SORCS3: variants seen among roughly 807,000 people sequenced by gnomAD.
The protein encoded by SORCS3 is VPS10 domain-containing receptor SorCS3.
A neutral mutation model predicts 146.3 loss-of-function variants in SORCS3; 57 were observed. That is an observed-to-expected ratio of 0.39 (90% CI 0.31 to 0.49). The LOEUF (loss-of-function observed/expected upper bound fraction) is 0.49, where lower values mean the gene tolerates loss of function less well. Among genes scored for constraint, SORCS3 ranks in the 20% least tolerant of loss-of-function variants. SORCS3 has a pLI of 0.92. For synonymous variants in SORCS3, 653 were observed against 618.5 expected (o/e 1.06, Z -0.83); for missense variants, 1,341 against 1,575.5 (o/e 0.85, Z 2.52).
At chr10:105,171,147 G>A (rs1404904957) in intron 13 of SORCS3, among the ~76,000 whole-genome samples, 3 of 152,152 alleles carry the variant, frequency 2.0e-5, no homozygotes, top group Admixed American at 6.6e-5. Flanking sequence ...GAAAATAAGA[G>A]TAATAATTGA....
intron 20 of SORCS3, among the ~76,000 whole-genome samples, chr10:105,223,750 A>G (rs1175612855): frequency 1.3e-5 from 2 of 152,220 alleles, no homozygotes; most frequent in Non-Finnish European, 2.9e-5. Context: ...CCACGTCTCA[A>G]AGAAAGGAAC....
chr10:105,174,048 T>C (rs2056380843), intron 13 of SORCS3, among the ~76,000 whole-genome samples: 1 of 152,234 alleles, frequency 6.6e-6, no homozygotes, highest in African/African-American at 2.4e-5. Flanking sequence ...CTCCTCACAC[T>C]AGAAAGTAAG....
At chr10:104,855,731 A>ATGTG (rs142974541) in intron 2 of SORCS3, among the ~76,000 whole-genome samples, 24,641 of 149,058 alleles carry the variant, frequency 0.17, 4,393 homozygotes, top group African/African-American at 0.45. Flanking sequence ...GTGTGTGTGT[A>ATGTG]TGTGTGTGTG....
At chr10:105,052,935 A>T (rs2055422965) in intron 5 of SORCS3, among the ~76,000 whole-genome samples, 1 of 152,110 alleles carries the variant, frequency 6.6e-6, no homozygotes, top group Non-Finnish European at 1.5e-5. Flanking sequence ...CTGGCTGCCA[A>T]AACAAAATAC....
intron 7 of SORCS3, among the ~76,000 whole-genome samples, chr10:105,112,248 T>TA (rs138749390): frequency 0.19 from 29,262 of 152,082 alleles, 3,032 homozygotes; most frequent in Admixed American, 0.24. Context: ...GTATTGCTTT[T>TA]AAAAAATTAT....
rs372360180 is a variant in SORCS3, at chr10:104,784,527, G to A, written c.628-58265G>A. Among the ~76,000 whole-genome samples, 13 of 152,248 alleles carry A rather than the reference G, an allele frequency of 8.5e-5. No individual in the cohort carries two copies. In the South Asian group the frequency reaches 1.0e-3, roughly 12 times the overall value. On this transcript the variant is annotated intron_variant, in intron 1 of 26. Transcript: ENST00000369701. ...TCTTTTGTGACCAGGAGTGTTTTCC[G>A]GACAATGCAGAAGGAGATGCACCCA...
At chr10:104,841,648 C>T (rs1056743837) in intron 1 of SORCS3, among the ~76,000 whole-genome samples, 2 of 151,936 alleles carry the variant, frequency 1.3e-5, no homozygotes, top group Non-Finnish European at 2.9e-5. Flanking sequence ...TAAAAATGTG[C>T]AATATAATGG....
intron 4 of SORCS3, among the ~76,000 whole-genome samples, chr10:104,988,781 A>G (rs1227160432): frequency 1.3e-5 from 2 of 152,196 alleles, no homozygotes; most frequent in African/African-American, 4.8e-5. Context: ...TCAATTTGCT[A>G]AAGAGAAGAC....
At chr10:105,166,393 T>C (rs2056313383) in intron 12 of SORCS3, among the ~76,000 whole-genome samples, 1 of 152,182 alleles carries the variant, frequency 6.6e-6, no homozygotes, top group African/African-American at 2.4e-5. Flanking sequence ...CCCTAGAAGA[T>C]CTACAGTCGA....
chr10:105,132,051 A>G (rs577164227), intron 7 of SORCS3, among the ~76,000 whole-genome samples: 148 of 152,268 alleles, frequency 9.7e-4, no homozygotes, highest in Admixed American at 9.7e-3. Context: ...CCCTCCACAT[A>G]GAGGTTTGGA....
chr10:105,049,573 A>C (rs1407003497), intron 5 of SORCS3, among the ~76,000 whole-genome samples: 4 of 152,094 alleles, frequency 2.6e-5, no homozygotes, highest in Non-Finnish European at 5.9e-5. Context: ...ATATTAGTTA[A>C]GGTTTAGTAT....
At chr10:105,244,483 A>C (rs2056854399) in intron 20 of SORCS3, among the ~76,000 whole-genome samples, 1 of 152,090 alleles carries the variant, frequency 6.6e-6, no homozygotes, top group Non-Finnish European at 1.5e-5. Context: ...GTGGGATTGG[A>C]GTATGCATGG....
At chr10:104,794,657 GAGAA>G (rs1387745797) in intron 1 of SORCS3, among the ~76,000 whole-genome samples, 1 of 113,580 alleles carries the variant, frequency 8.8e-6, no homozygotes, top group Admixed American at 9.0e-5. Flanking sequence ...GAGAGAGAGA[GAGAA>G]TATTATCCAG....
intron 4 of SORCS3, among the ~76,000 whole-genome samples, chr10:105,013,282 A>G (rs1223244536): frequency 6.6e-6 from 1 of 152,144 alleles, no homozygotes; most frequent in East Asian, 1.9e-4. Context: ...AACATATAAC[A>G]TATTATTTTT....
chr10:104,731,615 A>G (rs949704607), intron 1 of SORCS3, among the ~76,000 whole-genome samples: 1 of 152,084 alleles, frequency 6.6e-6, no homozygotes, highest in Non-Finnish European at 1.5e-5. Flanking sequence ...GCCCACTGTG[A>G]TGTGTCTCCA....
chr10:104,774,730 G>A (rs1331761255), intron 1 of SORCS3, among the ~76,000 whole-genome samples: 1 of 152,178 alleles, frequency 6.6e-6, no homozygotes, highest in Non-Finnish European at 1.5e-5. Context: ...AGTGATCAGT[G>A]TGGAATCTGG....
At chr10:104,987,429 T>C (rs1260573958) in intron 4 of SORCS3, among the ~76,000 whole-genome samples, 1 of 152,192 alleles carries the variant, frequency 6.6e-6, no homozygotes, top group African/African-American at 2.4e-5. Flanking sequence ...ATGTTTATCC[T>C]AGTTATAAGG....
intron 1 of SORCS3, among the ~76,000 whole-genome samples, chr10:104,744,725 G>A (rs920748595): frequency 6.6e-6 from 1 of 152,182 alleles, no homozygotes; most frequent in African/African-American, 2.4e-5. Context: ...TACCCAGAAT[G>A]TGTCACGAAC....
chr10:105,027,288 C>T (rs2055237791), intron 4 of SORCS3, among the ~76,000 whole-genome samples: 1 of 152,186 alleles, frequency 6.6e-6, no homozygotes, highest in African/African-American at 2.4e-5. Flanking sequence ...TGCCACTGGA[C>T]TGTATGAAAA....
Sources: allele counts gnomAD v4.1 joint callset (sites outside exome capture counted in the v4.1 genomes callset), GRCh38; gene constraint gnomAD v4.1.1; transcripts MANE v1.5; gene names NCBI Gene and HGNC (gene_info 2026-07-23, HGNC 2026-07-21).